CPNE3: variants seen among roughly 807,000 people sequenced by gnomAD.
CPNE3 encodes the protein copine 3.
A neutral mutation model predicts 63.9 loss-of-function variants in CPNE3; 68 were observed. That is an observed-to-expected ratio of 1.06 (90% confidence interval 0.87 to 1.30). The LOEUF (loss-of-function observed/expected upper bound fraction) is 1.30. CPNE3 is among the 50% of genes most tolerant of loss of function. CPNE3 has a pLI of 0.00. For missense variants in CPNE3, 665 were observed against 578.1 expected, an observed-to-expected ratio of 1.15 and a Z score of -1.54; for synonymous variants, 219 against 197.5, an observed-to-expected ratio of 1.11 and a Z score of -0.91.
Position 86,554,831 on chromosome 8 carries a change from T to A in CPNE3, c.1121-20T>A. The stretch of plus-strand genomic sequence containing the variant: ...CTTGAGAATTTTTAGTACTGTTTTT[T>A]ATTTGTTTGTTTGTTCTAGGAATCC... On this transcript the variant is annotated intron_variant, in intron 14 of 16. Transcript: ENST00000517490. 6.2e-6 allele frequency: 10 copies of A among 1,609,506 alleles called. No individual in the cohort carries two copies. Among genetic ancestry groups the A allele is most frequent in the Non-Finnish European group, 8.5e-6 (10 of 1,177,496 alleles).
chr8:86,517,855 T>C (rs1422689151), intron 2 of CPNE3, among the ~76,000 whole-genome samples: 2 of 152,202 alleles, frequency 1.3e-5, no homozygotes, highest in Non-Finnish European at 2.9e-5. Context: ...AGGCAATCTA[T>C]AATATTTGTT....
intron 7 of CPNE3, 41 bp downstream of exon 7, chr8:86,537,687 T>G (rs1387577357): frequency 9.0e-7 from 1 of 1,106,836 alleles, no homozygotes; most frequent in South Asian, 1.2e-5. Flanking sequence ...AGGTGTTCTT[T>G]GAAATTATTG....
chr8:86,540,441 C>G (rs555338284), intron 8 of CPNE3, 107 bp downstream of exon 8: 4 of 470,746 alleles, frequency 8.5e-6, no homozygotes, highest in African/African-American at 6.1e-5. Context: ...TGATGTAAGA[C>G]ACCTACAGAG....
intron 12 of CPNE3, among the ~76,000 whole-genome samples, chr8:86,550,181 A>G (rs1433556341): frequency 6.6e-6 from 1 of 152,234 alleles, no homozygotes; most frequent in Non-Finnish European, 1.5e-5. Flanking sequence ...ATATTCATTA[A>G]TATTAAAAAC....
chr8:86,522,302 T>C lies in CPNE3; in HGVS notation c.-10-6234T>C, dbSNP rs185158522. The stretch of plus-strand genomic sequence containing the variant: ...GCTAAGTATTTATTTCGTTTTTGCC[T>C]CCCCCAACCCTCACTTTTGGAACAC... On this transcript the variant is annotated intron_variant, in intron 2 of 16. Coordinates refer to ENST00000517490, the MANE Select transcript of CPNE3 (RefSeq NM_003909.5). Among the ~76,000 whole-genome samples, 12 of 152,190 alleles carry C rather than the reference T, an allele frequency of 7.9e-5. No individual in the cohort carries two copies. The East Asian group carries it at 2.3e-3, about 29-fold the overall frequency.
intron 8 of CPNE3, among the ~76,000 whole-genome samples, chr8:86,540,919 T>TA (rs1820922003): frequency 6.6e-6 from 1 of 152,086 alleles, no homozygotes; most frequent in Non-Finnish European, 1.5e-5. Context: ...GGCATTTATT[T>TA]AAAAAAAGAG....
chr8:86,548,384 G>A lies in CPNE3; in HGVS notation c.963G>A (p.Glu321=), dbSNP rs759966086. 5 of 1,614,200 alleles carry A rather than the reference G, an allele frequency of 3.1e-6. No homozygotes were observed. Among genetic ancestry groups the A allele is most frequent in the Non-Finnish European group, 4.2e-6 (5 of 1,180,032 alleles). Residue 321 remains glutamate (E), a synonymous_variant, in exon 12 of 17, where the codon GAG becomes GAA. Coordinates refer to ENST00000517490, the MANE Select transcript of CPNE3 (RefSeq NM_003909.5). Reference sequence around the variant, plus strand: ...ACATCAGCCCCAATGGCGTTAATGAGTATTTGACTGCTCTCTGGTCTGTGG... The same window carrying A: ...ACATCAGCCCCAATGGCGTTAATGAATATTTGACTGCTCTCTGGTCTGTGG... ...LHYISPNGVN[E]YLTALWSVGL... is the part of the protein sequence containing the mutation.
At position 86,525,944 on chromosome 8, in the gene CPNE3, C is replaced by CA. The variant is rs771351348; in HGVS notation, c.-10-2585dup. 5.9e-5 allele frequency among the ~76,000 whole-genome samples: 9 copies of CA among 151,966 alleles called. No individual in the cohort carries two copies. The East Asian group carries it at 1.2e-3, about 20-fold the overall frequency. Reference sequence around the variant, plus strand: ...TATTTTACAGATTCTGTATTAGATGCAAAAAAACAGTATGCCTGGCACGTG... The same window carrying CA: ...TATTTTACAGATTCTGTATTAGATGCAAAAAAAACAGTATGCCTGGCACGTG... On this transcript the variant is annotated intron_variant, in intron 2 of 16. Transcript: ENST00000517490.
chr8:86,527,025 C>A (rs914602805), intron 2 of CPNE3, among the ~76,000 whole-genome samples: 1 of 152,068 alleles, frequency 6.6e-6, no homozygotes, highest in Non-Finnish European at 1.5e-5. Context: ...TAATGATAAT[C>A]TTTGTTACTT....
chr8:86,542,134 T>G (rs1462249929), intron 8 of CPNE3, among the ~76,000 whole-genome samples: 1 of 152,242 alleles, frequency 6.6e-6, no homozygotes, highest in African/African-American at 2.4e-5. Flanking sequence ...TAAAACTTTC[T>G]TGGTTTGTTT....
At position 86,532,540 on chromosome 8, in the gene CPNE3, T is replaced by A; in HGVS notation, c.419T>A (p.Val140Glu). The stretch of plus-strand genomic sequence containing the variant: ...GCTGAAGAAATAAAAGATAATAGAG[T>A]GGTCTTGTTTGAAATGGAAGCCAGA... ...ISAEEIKDNRVVLFEMEARKL... is the reference protein window; with the variant it reads ...ISAEEIKDNREVLFEMEARKL... Residue 140 changes from valine to glutamate, a missense_variant, in exon 6 of 17, where the codon GTG becomes GAG. By Grantham distance (121) the Val-to-Glu change is moderately radical (BLOSUM62 -2). Transcript: ENST00000517490. 6.2e-7 allele frequency: 1 copy of A among 1,612,646 alleles called. No homozygotes were observed. Among genetic ancestry groups the A allele is most frequent in the Non-Finnish European group, 8.5e-7 (1 of 1,179,382 alleles).
In CPNE3 at chr8:86,528,904, T is replaced by G. The variant is rs535331442; in HGVS notation, c.133-41T>G. On this transcript the variant is annotated intron_variant, in intron 3 of 16. Coordinates refer to ENST00000517490, the MANE Select transcript of CPNE3 (RefSeq NM_003909.5). ...AAGATGTGAAAATCCAAGTGCACCTTTGATCTGAAGAAACTTTTTTGTTTT... is the reference window on the plus strand; with the variant it reads ...AAGATGTGAAAATCCAAGTGCACCTGTGATCTGAAGAAACTTTTTTGTTTT... 38 of 1,553,294 alleles carry G rather than the reference T, an allele frequency of 2.4e-5. No individual in the cohort carries two copies. The Admixed American group carries it at 4.1e-4, about 17-fold the overall frequency.
intron 14 of CPNE3, chr8:86,551,489 C>T: frequency 5.5e-6 from 2 of 366,170 alleles, no homozygotes; most frequent in South Asian, 1.7e-4. Flanking sequence ...AATCCTCCTA[C>T]CTTAAGAACT....
intron 8 of CPNE3, among the ~76,000 whole-genome samples, chr8:86,541,565 G>A (rs1168807026): frequency 6.6e-6 from 1 of 151,994 alleles, no homozygotes; most frequent in African/African-American, 2.4e-5. Context: ...TGAGCTGGGT[G>A]TGGTGGCGCA....
chr8:86,521,452 C>A (rs1016953448), intron 2 of CPNE3, among the ~76,000 whole-genome samples: 11 of 152,064 alleles, frequency 7.2e-5, no homozygotes, highest in African/African-American at 2.7e-4. Flanking sequence ...CTGAATATTA[C>A]TTTTGATATT....
intron 3 of CPNE3, 59 bp from the exon 4 acceptor site, chr8:86,528,886 G>GA: frequency 2.0e-6 from 3 of 1,472,184 alleles, no homozygotes; most frequent in Non-Finnish European, 2.8e-6. Flanking sequence ...ATAAAGATGT[G>GA]AAAATCCAAG....
At chr8:86,544,988 C>T (rs375339174) in intron 9 of CPNE3, 150 bp downstream of exon 9, 27 of 396,460 alleles carry the variant, frequency 6.8e-5, no homozygotes, top group East Asian at 6.3e-4. Flanking sequence ...TCACATAATC[C>T]ACAATTCATA....
chr8:86,547,183 A>G (rs1482700456), intron 10 of CPNE3: 1 of 153,478 alleles, frequency 6.5e-6, no homozygotes, highest in East Asian at 1.9e-4. Context: ...CCTGTTTCCA[A>G]GGTTTGACAA....
At chr8:86,532,416 G>T in intron 5 of CPNE3, 93 bp from the exon 6 acceptor site, 1 of 809,964 alleles carries the variant, frequency 1.2e-6, no homozygotes, top group Non-Finnish European at 1.9e-6. Flanking sequence ...TATTAGTGTA[G>T]GCTTTATATT....
Sources: allele counts gnomAD v4.1 joint callset (sites outside exome capture counted in the v4.1 genomes callset), GRCh38; gene constraint gnomAD v4.1.1; transcripts MANE v1.5; gene names NCBI Gene and HGNC (gene_info 2026-07-23, HGNC 2026-07-21).